The following ASNSD1 variants were observed in gnomAD, a reference collection of about 807,000 sequenced individuals.
The protein encoded by ASNSD1 is asparagine synthetase domain containing 1, also known as asparagine synthetase domain-containing protein 1.
Under a neutral mutation model 48.3 loss-of-function variants are expected in ASNSD1, and 36 were observed. The ratio of observed to expected loss-of-function variants is 0.75; its 90% confidence interval spans 0.57 to 0.99. The LOEUF (loss-of-function observed/expected upper bound fraction) is 0.99. Ranked by LOEUF, ASNSD1 falls within the 50% of genes least tolerant of loss-of-function variation. ASNSD1 has a pLI of 0.00. For missense variants in ASNSD1, 714 were observed against 758.2 expected, an observed-to-expected ratio of 0.94 and a Z score of 0.69; for synonymous variants, 257 against 262.1, an observed-to-expected ratio of 0.98 and a Z score of 0.19.
chr2:189,668,438 G>A (rs1345786957), intron 5 of ASNSD1, among the ~76,000 whole-genome samples: 1 of 152,206 alleles, frequency 6.6e-6, no homozygotes, highest in Admixed American at 6.5e-5. Flanking sequence ...GAACCCAGGA[G>A]GTGGAGGTTG....
Position 189,661,477 on chromosome 2 carries a change from T to G in ASNSD1, c.-356T>G, listed in dbSNP as rs144769459. On this transcript the variant is annotated 5_prime_UTR_variant, in exon 1 of 6. Transcript: ENST00000260952. ...ATGCGCTGTGGCTAATGCCGTAGGC[T>G]CCTTCAGGGCTGAGCCATCCCGCGT... 2.8e-3 allele frequency: 1,123 copies of G among 399,098 alleles called. 21 individuals carry two copies. The highest frequency in any genetic ancestry group is 0.02 in the African/African-American group (994 of 48,750). 24.7% of individuals were successfully genotyped at this position (399,098 alleles called of 1,614,324 possible).
chr2:189,666,086 T>C lies in ASNSD1; in HGVS notation c.-47T>C, dbSNP rs775216700. ...AAAGAATACCAAGAAATAGAAAACT[T>C]AGACAAGACCAAAATCAAGAAATAG... is the stretch of plus-strand genomic sequence containing the variant. On this transcript the variant is annotated 5_prime_UTR_variant, in exon 4 of 6. Transcript: ENST00000260952. 4.7e-6 allele frequency: 7 copies of C among 1,487,848 alleles called. No individual in the cohort carries two copies. In the South Asian group the frequency reaches 1.0e-4, roughly 22 times the overall value. 92.2% of individuals were successfully genotyped at this position (1,487,848 alleles called of 1,614,324 possible).
rs2032780754 is a variant in ASNSD1, at chr2:189,665,626, A to ATGTG, written c.-93+176_-93+177insGTGT. Among the ~76,000 whole-genome samples the ATGTG allele has an allele frequency of 3.3e-5, 4 of 122,462 alleles. 1 individual carries two copies. Among genetic ancestry groups the ATGTG allele is most frequent in the South Asian group, 2.5e-4 (1 of 3,932 alleles). 80.3% of individuals were successfully genotyped at this position (122,462 alleles called of 152,430 possible). On this transcript the variant is annotated intron_variant, in intron 3 of 5. Coordinates refer to ENST00000260952, the MANE Select transcript of ASNSD1 (RefSeq NM_019048.4). ...TATATATATATATATATATATATAT[A>ATGTG]TATATATATATATATATATATTATA... is the stretch of plus-strand genomic sequence containing the variant.
At chr2:189,662,239 A>G (rs1182730099) in intron 1 of ASNSD1, among the ~76,000 whole-genome samples, 1 of 152,206 alleles carries the variant, frequency 6.6e-6, no homozygotes, top group Non-Finnish European at 1.5e-5. Context: ...CCAATATAAT[A>G]TAAGCCTTAA....
At position 189,666,656 on chromosome 2, in the gene ASNSD1, C is replaced by T; in HGVS notation, c.524C>T (p.Ala175Val). 6.2e-7 allele frequency: 1 copy of T among 1,614,110 alleles called. No individual in the cohort carries two copies. The change falls in exon 4 of 6, where the codon GCA becomes GTA. Residue 175 changes from alanine (A) to valine (V), a missense_variant. Ala to Val is a moderately conservative substitution (Grantham distance 64). Transcript: ENST00000260952. Reference protein sequence around the residue: ...GLANQWQEVPASGLFRIDLKS... With the variant: ...GLANQWQEVPVSGLFRIDLKS... ...GCAAATCAGTGGCAAGAAGTTCCAG[C>T]ATCTGGACTTTTCAGAATTGATCTT... is the stretch of plus-strand genomic sequence containing the variant.
At chr2:189,662,777 C>T (rs1217611634) in intron 1 of ASNSD1, among the ~76,000 whole-genome samples, 1 of 151,834 alleles carries the variant, frequency 6.6e-6, no homozygotes, top group Non-Finnish European at 1.5e-5. Context: ...TTAGTTGAGC[C>T]CTCCCCTACA....
chr2:189,667,301 C>T lies in ASNSD1; in HGVS notation c.1169C>T (p.Ala390Val). ...TCAGAAGAATTCTCTAAAGATGTTG[C>T]TGCTGCTGCTGCTGACAGTCCTAAT... ...IPSEEFSKDV[A>V]AAAADSPNKH... The change falls in exon 4 of 6, where the codon GCT (alanine) becomes GTT (valine). Residue 390 changes from alanine to valine, a missense_variant. Coordinates refer to ENST00000260952, the MANE Select transcript of ASNSD1 (RefSeq NM_019048.4). 5 of 1,610,176 alleles carry T rather than the reference C, an allele frequency of 3.1e-6. No individual in the cohort carries two copies. Among genetic ancestry groups the T allele is most frequent in the African/African-American group, 1.3e-5 (1 of 74,920 alleles).
chr2:189,664,400 G>A (rs2032740351), intron 2 of ASNSD1, among the ~76,000 whole-genome samples: 1 of 152,118 alleles, frequency 6.6e-6, no homozygotes, highest in African/African-American at 2.4e-5. Flanking sequence ...TGTGTAACAT[G>A]GTTATTTAAT....
At chr2:189,669,490 CG>C (rs2032878576) in intron 5 of ASNSD1, among the ~76,000 whole-genome samples, 1 of 152,180 alleles carries the variant, frequency 6.6e-6, no homozygotes, top group Non-Finnish European at 1.5e-5. Context: ...TAATTTATTA[CG>C]TATCTTGACA....
In ASNSD1 at chr2:189,665,626, A is replaced by G. The variant is rs186622070; in HGVS notation, c.-93+175A>G. ...TATATATATATATATATATATATAT[A>G]TATATATATATATATATATATTATA... On this transcript the variant is annotated intron_variant, in intron 3 of 5. Transcript: ENST00000260952. 1.2e-3 allele frequency among the ~76,000 whole-genome samples: 153 copies of G among 122,458 alleles called. 5 individuals are homozygous for G. Among genetic ancestry groups the G allele is most frequent in the African/African-American group, 4.1e-3 (125 of 30,600 alleles). 80.3% of individuals were successfully genotyped at this position (122,458 alleles called of 152,430 possible). A position where few individuals can be genotyped will look rare whatever the true frequency, so the allele number is the denominator to read the frequency against.
intron 1 of ASNSD1, among the ~76,000 whole-genome samples, chr2:189,662,204 A>G (rs1479731598): frequency 6.6e-6 from 1 of 152,212 alleles, no homozygotes; most frequent in Non-Finnish European, 1.5e-5. Flanking sequence ...GTTGTCACTC[A>G]TACCAAACTG....
At chr2:189,665,634 A>ATGTG (rs1254218394) in intron 3 of ASNSD1, among the ~76,000 whole-genome samples, 183 bp downstream of exon 3, 125 of 124,514 alleles carry the variant, frequency 1.0e-3, no homozygotes, top group Non-Finnish European at 1.5e-3. Flanking sequence ...ATATATATAT[A>ATGTG]TATATATATA....
Position 189,667,164 on chromosome 2 carries a change from T to G in ASNSD1, c.1032T>G (p.Pro344=), listed in dbSNP as rs772872475. ...VIATLADRHI[P]LDEPIDLLNV... is the part of the protein sequence containing the mutation. ...CAACCCTTGCTGACCGTCATATTCC[T>G]TTAGATGAACCAATTGATCTTCTTA... Residue 344 remains proline, a synonymous_variant, in exon 4 of 6, where the codon CCT becomes CCG. Coordinates refer to ENST00000260952, the MANE Select transcript of ASNSD1 (RefSeq NM_019048.4). 1.2e-6 allele frequency: 2 copies of G among 1,614,246 alleles called. No homozygotes were observed. The highest frequency in any genetic ancestry group is 1.1e-5 in the South Asian group (1 of 91,080).
Position 189,670,044 on chromosome 2 carries a change from C to T in ASNSD1, c.1647-397C>T, listed in dbSNP as rs1222811217. Among the ~76,000 whole-genome samples, 6 of 152,170 alleles carry T rather than the reference C, an allele frequency of 3.9e-5. No individual in the cohort carries two copies. The East Asian group carries it at 9.7e-4, about 25-fold the overall frequency. The stretch of plus-strand genomic sequence containing the variant: ...TGCTCGTAGGCTAGGTGCGGTGGCT[C>T]ACTCCTGTATTCCCAGCACTTTGGG... On this transcript the variant is annotated intron_variant, in intron 5 of 5. Transcript: ENST00000260952.
In ASNSD1 at chr2:189,666,342, CA is replaced by C; in HGVS notation, c.212del (p.Asn71MetfsTer13). ...TTQPVEDERGNVFLWNGEIFS... is the reference protein window; with the variant it reads ...TTQPVEDERGXVFLWNGEIFS... ...CCCAGCCTGTGGAAGATGAAAGAGG[CA>C]ATGTGTTTCTATGGAATGGAGAAAT... On this transcript the variant is annotated frameshift_variant, in exon 4 of 6. Transcript: ENST00000260952. LOFTEE classifies it high-confidence loss of function. The C allele has an allele frequency of 1.2e-6, 2 of 1,613,680 alleles. No homozygotes were observed. The highest frequency in any genetic ancestry group is 1.7e-6 in the Non-Finnish European group (2 of 1,179,790).
chr2:189,666,714 A>C lies in ASNSD1; in HGVS notation c.582A>C (p.Leu194Phe). Residue 194 changes from leucine to phenylalanine, a missense_variant, in exon 4 of 6, where the codon TTA becomes TTC. Coordinates refer to ENST00000260952, the MANE Select transcript of ASNSD1 (RefSeq NM_019048.4). ...KSTVISGCII[L>F]QLYPWKYISR... ...CTGTCATTTCCGGATGCATTATTTT[A>C]CAACTGTATCCTTGGAAATATATTT... 6.2e-7 allele frequency: 1 copy of C among 1,612,732 alleles called. No homozygotes were observed. The highest frequency in any genetic ancestry group is 8.5e-7 in the Non-Finnish European group (1 of 1,178,762).
intron 3 of ASNSD1, among the ~76,000 whole-genome samples, chr2:189,665,721 A>G: frequency 6.7e-6 from 1 of 150,206 alleles, no homozygotes; most frequent in East Asian, 1.9e-4. Flanking sequence ...ATGACAAACC[A>G]TTACCACTTT....
chr2:189,667,066 G>A lies in ASNSD1; in HGVS notation c.934G>A (p.Val312Ile). The change falls in exon 4 of 6, where the codon GTT becomes ATT. Residue 312 changes from valine to isoleucine, a missense_variant. Physicochemically the swap from Val to Ile is conservative, Grantham distance 29 (BLOSUM62 3). Transcript: ENST00000260952. The stretch of plus-strand genomic sequence containing the variant: ...GGATGAAAACCTGACAGCAAATGAA[G>A]TTTTGAAAACGTGTGATAGGAAAGC... ...PRDENLTANE[V>I]LKTCDRKANV... 6.2e-7 allele frequency: 1 copy of A among 1,614,122 alleles called. No homozygotes were observed.
At chr2:189,665,967 T>G in intron 3 of ASNSD1, 74 bp from the exon 4 acceptor site, 1 of 633,220 alleles carries the variant, frequency 1.6e-6, no homozygotes, top group Non-Finnish European at 2.5e-6. Flanking sequence ...CAGCTTGTGT[T>G]GCCCTCTGAA....
Sources: allele counts gnomAD v4.1 joint callset (sites outside exome capture counted in the v4.1 genomes callset), GRCh38; gene constraint gnomAD v4.1.1; transcripts MANE v1.5; gene names NCBI Gene and HGNC (gene_info 2026-07-23, HGNC 2026-07-21).